Variants in TENM4 observed in about 807,000 individuals in gnomAD.
The protein encoded by TENM4 is teneurin-4.
A neutral mutation model predicts 243.3 loss-of-function variants in TENM4; 82 were observed. The observed-to-expected ratio is 0.34, with a 90% CI of 0.28 to 0.40. The LOEUF is 0.40. TENM4 is among the 10% of genes least tolerant of loss of function. TENM4 has a pLI of 1.00. For synonymous variants in TENM4, 1,412 were observed against 1,456.3 expected, an observed-to-expected ratio of 0.97 and a Z score of 0.69; for missense variants, 3,138 against 3,673.3, an observed-to-expected ratio of 0.85 and a Z score of 3.77.
intron 4 of TENM4, among the ~76,000 whole-genome samples, chr11:79,132,412 C>T (rs1165094566): frequency 5.5e-5 from 8 of 146,500 alleles, no homozygotes; most frequent in Non-Finnish European, 1.2e-4. Flanking sequence ...CTTCAGTACT[C>T]CACTGACAGC....
chr11:79,218,223 A>T (rs1864090122), intron 2 of TENM4, among the ~76,000 whole-genome samples: 2 of 76,598 alleles, frequency 2.6e-5, no homozygotes, highest in Admixed American at 1.2e-4. Context: ...TTAGAAGTTT[A>T]CCCCCTGCCC....
chr11:79,032,592 G>A (rs1231558678), intron 6 of TENM4, among the ~76,000 whole-genome samples: 1 of 152,170 alleles, frequency 6.6e-6, no homozygotes, highest in South Asian at 2.1e-4. Context: ...GTAATCAGGC[G>A]CCGTTCCCCT....
chr11:79,167,088 G>A (rs570015405), intron 3 of TENM4, among the ~76,000 whole-genome samples: 1 of 152,310 alleles, frequency 6.6e-6, no homozygotes, highest in South Asian at 2.1e-4. Context: ...TGTTGCATAT[G>A]AGTAGTCTGG....
chr11:79,082,939 C>A (rs1432150709), intron 4 of TENM4, among the ~76,000 whole-genome samples: 1 of 152,126 alleles, frequency 6.6e-6, no homozygotes, highest in African/African-American at 2.4e-5. Flanking sequence ...GGTGGCCAGG[C>A]AACTTTTATT....
intron 4 of TENM4, among the ~76,000 whole-genome samples, chr11:79,081,764 C>A (rs1860680845): frequency 6.6e-6 from 1 of 152,088 alleles, no homozygotes; most frequent in East Asian, 1.9e-4. Flanking sequence ...GGGGCAGGGG[C>A]AGGGCGGGCC....
intron 33 of TENM4, among the ~76,000 whole-genome samples, chr11:78,659,575 T>C (rs1239359355): frequency 6.6e-6 from 1 of 152,120 alleles, no homozygotes; most frequent in African/African-American, 2.4e-5. Flanking sequence ...GATGGAGGAT[T>C]GGCAAGAAAT....
chr11:78,729,506 G>T lies in TENM4; in HGVS notation c.3276C>A (p.His1092Gln). Residue 1092 changes from histidine (H) to glutamine (Q), a missense_variant, in exon 22 of 34, where the codon CAC becomes CAA. This residue lies in a region of TENM4 where 2,467 missense variants were observed against 3,059.1 expected (regional missense o/e 0.81). Transcript: ENST00000278550. The part of the protein sequence containing the change: ...PTIPFNLMKV[H>Q]LMVAVEGRLF... ...GGCGGCCCTCCACCGCTACCATGAG[G>T]TGCACCTTCATGAGGTTGAAGGGGA... 6.2e-7 allele frequency: 1 copy of T among 1,613,918 alleles called. No individual in the cohort carries two copies. Among genetic ancestry groups the T allele is most frequent in the Non-Finnish European group, 8.5e-7 (1 of 1,179,866 alleles).
intron 11 of TENM4, among the ~76,000 whole-genome samples, chr11:78,854,584 G>C (rs2136204606): frequency 9.6e-6 from 1 of 104,486 alleles, no homozygotes; most frequent in African/African-American, 6.0e-5. Flanking sequence ...TTTTTGTACT[G>C]GTGGTGAATC....
chr11:78,729,677 G>A (rs757479566), intron 21 of TENM4, 34 bp from the exon 22 acceptor site: 30 of 1,569,072 alleles, frequency 1.9e-5, no homozygotes, highest in Non-Finnish European at 2.6e-5. Context: ...GCAAGGGACG[G>A]TCGTCGACTC....
At chr11:78,851,916 C>T (rs1400487223) in intron 12 of TENM4, among the ~76,000 whole-genome samples, 1 of 152,190 alleles carries the variant, frequency 6.6e-6, no homozygotes, top group Admixed American at 6.5e-5. Context: ...AGGTCAAAAC[C>T]CAAGTTTGTG....
chr11:79,200,908 A>G (rs768799279), intron 3 of TENM4, among the ~76,000 whole-genome samples: 4 of 152,196 alleles, frequency 2.6e-5, no homozygotes, highest in Non-Finnish European at 5.9e-5. Flanking sequence ...TCCAGGAGAG[A>G]TGCTTGTCAG....
intron 3 of TENM4, among the ~76,000 whole-genome samples, chr11:79,203,730 A>G (rs192355606): frequency 7.8e-4 from 119 of 152,342 alleles, no homozygotes; most frequent in Middle Eastern, 3.4e-3. Flanking sequence ...GTGGATTTCT[A>G]TCTGCAGTTG....
At chr11:79,278,236 G>A (rs17137989) in intron 2 of TENM4, among the ~76,000 whole-genome samples, 712 of 152,270 alleles carry the variant, frequency 4.7e-3, no homozygotes, top group South Asian at 0.018. Context: ...GATGCCTAAG[G>A]GGTTCACAAG....
At chr11:79,369,034 C>T (rs1857730365) in intron 1 of TENM4, among the ~76,000 whole-genome samples, 1 of 152,190 alleles carries the variant, frequency 6.6e-6, no homozygotes, top group Non-Finnish European at 1.5e-5. Flanking sequence ...TTCTTGTCTG[C>T]TTTTATTTCT....
chr11:79,004,581 A>G (rs1286209220), intron 6 of TENM4, among the ~76,000 whole-genome samples: 1 of 152,172 alleles, frequency 6.6e-6, no homozygotes, highest in Non-Finnish European at 1.5e-5. Context: ...AAGATACAAC[A>G]TATCAGGATC....
intron 29 of TENM4, among the ~76,000 whole-genome samples, chr11:78,677,031 G>A (rs1323343555): frequency 1.3e-5 from 2 of 152,142 alleles, no homozygotes; most frequent in East Asian, 1.9e-4. Flanking sequence ...TCTTTGCGGT[G>A]ATAAACATGT....
At chr11:79,125,688 T>C (rs1861860696) in intron 4 of TENM4, among the ~76,000 whole-genome samples, 1 of 152,192 alleles carries the variant, frequency 6.6e-6, no homozygotes. Flanking sequence ...TGACCCATGC[T>C]GCCCCATCAG....
At chr11:79,325,420 T>C (rs1856957716) in intron 1 of TENM4, among the ~76,000 whole-genome samples, 1 of 152,132 alleles carries the variant, frequency 6.6e-6, no homozygotes, top group African/African-American at 2.4e-5. Flanking sequence ...GACCCCAAAA[T>C]TTCCCCTCTG....
chr11:78,762,331 C>T (rs478704), intron 18 of TENM4, among the ~76,000 whole-genome samples: 68,002 of 152,110 alleles, frequency 0.45, 19,283 homozygotes, highest in Non-Finnish European at 0.63. Flanking sequence ...CTATACTGGC[C>T]CCTCCCTACA....
Sources: allele counts gnomAD v4.1 joint callset (sites outside exome capture counted in the v4.1 genomes callset), GRCh38; gene constraint gnomAD v4.1.1; regional missense constraint gnomAD v4.1.1; transcripts MANE v1.5; gene names NCBI Gene and HGNC (gene_info 2026-07-23, HGNC 2026-07-21).